CREBBP: variants seen among roughly 807,000 people sequenced by gnomAD.
CREBBP encodes the protein CREB-binding protein.
In CREBBP, 19 loss-of-function variants were observed where a neutral mutation model predicts 265.0. That is an observed-to-expected ratio of 0.07 (90% CI 0.05 to 0.11). CREBBP has a LOEUF of 0.11. CREBBP is among the 10% of genes least tolerant of loss of function. CREBBP has a pLI of 1.00. For missense variants in CREBBP, 2,525 were observed against 3,219.0 expected, an observed-to-expected ratio of 0.78 and a Z score of 5.22; for synonymous variants, 1,457 against 1,223.7, an observed-to-expected ratio of 1.19 and a Z score of -3.98.
Position 3,725,544 on chromosome 16 carries a change from G to C in CREBBP, c.*2174C>G, listed in dbSNP as rs2051720155. 4.3e-6 allele frequency: 1 copy of C among 233,226 alleles called. No individual in the cohort carries two copies. Among genetic ancestry groups the C allele is most frequent in the South Asian group, 1.8e-4 (1 of 5,538 alleles). 14.4% of individuals were successfully genotyped at this position (233,226 alleles called of 1,614,324 possible). A position where few individuals can be genotyped will look rare whatever the true frequency, so the allele number is the denominator to read the frequency against. On this transcript the variant is annotated 3_prime_UTR_variant, in exon 31 of 31. Transcript: ENST00000262367. ...GGAGGTTAAGAACCCAGCAGGCCGAGCAGTGGCAGCAATCTCCACCGGAGG... is the reference window on the plus strand; with the variant it reads ...GGAGGTTAAGAACCCAGCAGGCCGACCAGTGGCAGCAATCTCCACCGGAGG...
chr16:3,812,844 T>C (rs1034916469), intron 2 of CREBBP: 2 of 186,034 alleles, frequency 1.1e-5, no homozygotes, highest in Non-Finnish European at 2.3e-5. Context: ...AGTGGTCAGT[T>C]TGATGGACTG....
intron 2 of CREBBP, among the ~76,000 whole-genome samples, chr16:3,822,561 G>C (rs144050294): frequency 2.0e-5 from 3 of 152,168 alleles, no homozygotes; most frequent in Admixed American, 2.0e-4. Flanking sequence ...GGGAGGTGAC[G>C]TGAGGCTGCC....
At chr16:3,750,328 GTT>G (rs781618514) in intron 20 of CREBBP, among the ~76,000 whole-genome samples, 2 of 152,170 alleles carry the variant, frequency 1.3e-5, no homozygotes, top group Non-Finnish European at 2.9e-5. Context: ...TACAAGTTAG[GTT>G]TTTTCTGCAT....
chr16:3,757,449 C>T, intron 18 of CREBBP, 73 bp from the exon 19 acceptor site: 5 of 1,184,126 alleles, frequency 4.2e-6, no homozygotes, highest in Non-Finnish European at 6.2e-6. Flanking sequence ...TTCTAGTCTA[C>T]TATAGAGACT....
intron 20 of CREBBP, among the ~76,000 whole-genome samples, chr16:3,750,065 T>C (rs1345571102): frequency 1.3e-5 from 2 of 152,058 alleles, no homozygotes; most frequent in Non-Finnish European, 2.9e-5. Flanking sequence ...TTTTTTGATT[T>C]TTTGTGGAGA....
chr16:3,805,776 G>A (rs1415343978), intron 3 of CREBBP, among the ~76,000 whole-genome samples: 1 of 152,220 alleles, frequency 6.6e-6, no homozygotes, highest in Non-Finnish European at 1.5e-5. Flanking sequence ...AATGCCAATG[G>A]CTCATGGTGT....
At chr16:3,750,158 G>A (rs1259027565) in intron 20 of CREBBP, among the ~76,000 whole-genome samples, 2 of 152,076 alleles carry the variant, frequency 1.3e-5, no homozygotes, top group Admixed American at 6.6e-5. Context: ...AAACCACCAC[G>A]CCCTGTTAAG....
chr16:3,728,282 G>A lies in CREBBP; in HGVS notation c.6765C>T (p.Pro2255=), dbSNP rs764545471. 3.1e-6 allele frequency: 5 copies of A among 1,611,982 alleles called. No homozygotes were observed. Among genetic ancestry groups the A allele is most frequent in the Admixed American group, 1.7e-5 (1 of 59,926 alleles). Residue 2255 remains proline (P), a synonymous_variant, in exon 31 of 31, where the codon CCC becomes CCT. Transcript: ENST00000262367. This position sits in a 1 kb window ranked among gnomAD's most constrained non-coding sequence, Gnocchi z 8.7. ...TCTGGCCCATGGAGCTGCCCTGGAGGGGGAGATGCTGCTGCATGCGCTGCT... is the reference window on the plus strand; with the variant it reads ...TCTGGCCCATGGAGCTGCCCTGGAGAGGGAGATGCTGCTGCATGCGCTGCT... ...QQQQRMQQHL[P]LQGSSMGQMA...
chr16:3,752,666 AT>A (rs2052500627), intron 19 of CREBBP, among the ~76,000 whole-genome samples: 1 of 152,238 alleles, frequency 6.6e-6, no homozygotes, highest in Non-Finnish European at 1.5e-5. Flanking sequence ...TGAAAATTCA[AT>A]TCTAAGCTTT....
rs2151305483 is a variant in CREBBP at position 3,728,837 on chromosome 16, C to T, written c.6210G>A (p.Leu2070=). 6.2e-7 allele frequency: 1 copy of T among 1,613,462 alleles called. No homozygotes were observed. ...RSISPSALQD[L]LRTLKSPSSP... ...AGCTGGGCGACTTCAGGGTCCGCAG[C>T]AGGTCTTGCAGAGCGCTGGGTGAGA... Residue 2070 remains leucine, a synonymous_variant, in exon 31 of 31, where the codon CTG becomes CTA. Transcript: ENST00000262367. The surrounding 1 kb of genome is among the most constrained non-coding windows in gnomAD (Gnocchi z 8.7).
At chr16:3,846,266 A>G (rs1450185485) in intron 2 of CREBBP, among the ~76,000 whole-genome samples, 2 of 152,268 alleles carry the variant, frequency 1.3e-5, no homozygotes, top group Non-Finnish European at 2.9e-5. Flanking sequence ...TTAACAAAGA[A>G]GACAACTTGC....
rs1329180790 is a variant in CREBBP at position 3,781,244 on chromosome 16, T to C, written c.1636A>G (p.Ile546Val). The C allele has an allele frequency of 6.2e-7, 1 of 1,613,944 alleles. No individual in the cohort carries two copies. Among genetic ancestry groups the C allele is most frequent in the Non-Finnish European group, 8.5e-7 (1 of 1,179,956 alleles). Residue 546 changes from isoleucine (I) to valine (V), a missense_variant, in exon 7 of 31, where the codon ATT becomes GTT. Ile to Val is a conservative substitution (Grantham distance 29). Around this residue, in one of 19 missense-constraint regions of CREBBP, gnomAD observed 144 missense variants for 134.0 expected, o/e 1.07. Transcript: ENST00000262367. ...ITTDQQPPNL[I>V]SESALPTSLG... ...GAAGTCGGAAGAGCTGATTCTGAAA[T>C]CAAGTTTGGGGGCTGCTGATCTGTT...
At chr16:3,836,676 A>G (rs1005426774) in intron 2 of CREBBP, among the ~76,000 whole-genome samples, 2 of 152,200 alleles carry the variant, frequency 1.3e-5, no homozygotes, top group African/African-American at 4.8e-5. Flanking sequence ...AAAATATTTT[A>G]AAAATATAGG....
intron 5 of CREBBP, among the ~76,000 whole-genome samples, chr16:3,790,528 C>T (rs951876831): frequency 6.6e-6 from 1 of 152,126 alleles, no homozygotes; most frequent in African/African-American, 2.4e-5. Flanking sequence ...GCATGCGCCA[C>T]CACGCCCGGC....
chr16:3,835,500 G>T (rs2054426996), intron 2 of CREBBP, among the ~76,000 whole-genome samples: 2 of 149,858 alleles, frequency 1.3e-5, no homozygotes, highest in African/African-American at 4.9e-5. Context: ...TTCGTTGCTA[G>T]TTATTTATCT....
chr16:3,758,079 G>T (rs765473543), intron 17 of CREBBP, 31 bp from the exon 18 acceptor site: 17 of 1,611,202 alleles, frequency 1.1e-5, no homozygotes, highest in Non-Finnish European at 1.3e-5. Context: ...CTCAGTATAG[G>T]GAATCCCCCA....
chr16:3,825,247 T>C (rs1350765132), intron 2 of CREBBP, among the ~76,000 whole-genome samples: 1 of 152,214 alleles, frequency 6.6e-6, no homozygotes, highest in Non-Finnish European at 1.5e-5. Flanking sequence ...TCATTCTTCA[T>C]TACTTGGTAG....
In CREBBP at chr16:3,748,531, A is replaced by G. The variant is rs552802460; in HGVS notation, c.3836+1096T>C. On this transcript the variant is annotated intron_variant, in intron 21 of 30. Transcript: ENST00000262367. ...GCCAAAAGTCAAGCTAGGTTTCCAG[A>G]GGTGGCCTGGGTAGAAATCTGTGCT... Among the ~76,000 whole-genome samples the G allele has an allele frequency of 7.0e-4, 106 of 152,278 alleles. 1 individual carries two copies. The highest frequency in any genetic ancestry group is 1.6e-3 in the Admixed American group (24 of 15,292).
chr16:3,730,556 G>T (rs897147307), intron 30 of CREBBP: 1 of 158,480 alleles, frequency 6.3e-6, no homozygotes, highest in South Asian at 1.9e-4. Context: ...TCAGAAACTA[G>T]AAAGAGGACA....
Sources: allele counts gnomAD v4.1 joint callset (sites outside exome capture counted in the v4.1 genomes callset), GRCh38; gene constraint gnomAD v4.1.1; regional missense constraint gnomAD v4.1.1; non-coding constraint Gnocchi (gnomAD v3.1); transcripts MANE v1.5; gene names NCBI Gene and HGNC (gene_info 2026-07-23, HGNC 2026-07-21).